Variants in TBPL2 observed in about 807,000 individuals in gnomAD.
TBPL2 encodes the protein TATA-box binding protein like 2.
In TBPL2, 40 loss-of-function variants were observed where a neutral mutation model predicts 38.2. That is an observed-to-expected ratio of 1.05 (90% CI 0.81 to 1.36). The LOEUF (loss-of-function observed/expected upper bound fraction) is 1.36. Ranked by LOEUF, TBPL2 falls within the 40% of genes most tolerant of loss-of-function variation. The pLI, the probability that TBPL2 is intolerant of heterozygous loss-of-function variation, is 0.00. For synonymous variants in TBPL2, 169 were observed against 171.7 expected (o/e 0.98, Z 0.12); for missense variants, 461 against 456.7 (o/e 1.01, Z -0.09).
At chr14:55,416,190 C>T (rs182373528) in intron 6 of TBPL2, among the ~76,000 whole-genome samples, 1 of 152,130 alleles carries the variant, frequency 6.6e-6, no homozygotes, top group African/African-American at 2.4e-5. Flanking sequence ...AATACACAAC[C>T]AGCTACTAAA....
chr14:55,421,859 T>C (rs1034921191), intron 6 of TBPL2, among the ~76,000 whole-genome samples: 2 of 152,208 alleles, frequency 1.3e-5, no homozygotes, highest in African/African-American at 4.8e-5. Context: ...GACATGTCAT[T>C]TTGCTGGATG....
At chr14:55,422,767 C>T (rs1885764333) in intron 6 of TBPL2, among the ~76,000 whole-genome samples, 1 of 152,040 alleles carries the variant, frequency 6.6e-6, no homozygotes, top group Non-Finnish European at 1.5e-5. Context: ...GCAGGAGAAT[C>T]ACTTGAACGC....
exon 2 of TBPL2, chr14:55,436,693 T>C: frequency 1.2e-6 from 2 of 1,614,172 alleles, no homozygotes; most frequent in Middle Eastern, 1.7e-4. Flanking sequence ...ATCACCAGGG[T>C]GCAGCTGTGA....
chr14:55,426,762 T>C (rs560167629), intron 5 of TBPL2, among the ~76,000 whole-genome samples: 1 of 151,976 alleles, frequency 6.6e-6, no homozygotes, highest in East Asian at 1.9e-4. Flanking sequence ...ATCATAAAAC[T>C]GTCCCAGGAG....
chr14:55,440,353 C>A (rs767776439), intron 1 of TBPL2, 43 bp downstream of exon 1: 1 of 1,609,792 alleles, frequency 6.2e-7, no homozygotes, highest in Non-Finnish European at 8.5e-7. Flanking sequence ...CAGGACCGGG[C>A]GGGACTTGGG....
chr14:55,427,698 G>A (rs905000968), intron 5 of TBPL2, among the ~76,000 whole-genome samples: 1 of 151,974 alleles, frequency 6.6e-6, no homozygotes, highest in African/African-American at 2.4e-5. Flanking sequence ...GGATGGGAGA[G>A]CCACCAAAAC....
chr14:55,429,114 T>C, intron 4 of TBPL2, 140 bp from the exon 5 acceptor site: 2 of 1,013,458 alleles, frequency 2.0e-6, no homozygotes, highest in Non-Finnish European at 2.8e-6. Flanking sequence ...TGAGGAGGAC[T>C]TACTTCCCAT....
rs752323560 is a variant in TBPL2, at chr14:55,435,900, A to C, written c.643T>G (p.Leu215Val). ...TGCAAAGCTATTTTCTTCAGATCCA[A>C]CTTACAGGCCAGGTTTACAGTGGAA... The change falls in exon 3 of 7, where the codon TTG (leucine) becomes GTG (valine). Residue 215 changes from leucine (L) to valine (V), a missense_variant. By Grantham distance (32) the Leu-to-Val change is conservative. Coordinates refer to ENST00000247219, the Ensembl canonical transcript of TBPL2. The C allele has an allele frequency of 6.3e-7, 1 of 1,580,790 alleles. No homozygotes were observed.
chr14:55,440,435 C>T (rs1371669497), exon 1 of TBPL2: 4 of 1,613,062 alleles, frequency 2.5e-6, no homozygotes, highest in Middle Eastern at 1.7e-4. Context: ...CCAGGTAGGT[C>T]TCCTCCTGCT....
chr14:55,440,227 G>T (rs1886088893), intron 1 of TBPL2, among the ~76,000 whole-genome samples, 169 bp downstream of exon 1: 1 of 152,216 alleles, frequency 6.6e-6, no homozygotes, highest in Non-Finnish European at 1.5e-5. Context: ...GGCAACCTTG[G>T]TCAAATTATT....
rs758097557 is a variant in TBPL2 at position 55,440,394 on chromosome 14, A to G, written c.150+2T>C. On this transcript the variant is annotated splice_donor_variant, in intron 1 of 6. Transcript: ENST00000247219. LOFTEE classifies it high-confidence loss of function. Reference sequence around the variant, plus strand: ...ACTCTGGGACAGTGGCGGCAGCCTCACCTGAGCGGCGCACTGGTCCAGGTA... The same window carrying G: ...ACTCTGGGACAGTGGCGGCAGCCTCGCCTGAGCGGCGCACTGGTCCAGGTA... 6.2e-7 allele frequency: 1 copy of G among 1,612,706 alleles called. No individual in the cohort carries two copies. The highest frequency in any genetic ancestry group is 8.5e-7 in the Non-Finnish European group (1 of 1,179,898).
intron 6 of TBPL2, among the ~76,000 whole-genome samples, chr14:55,419,350 CAT>C (rs1358948349): frequency 2.6e-5 from 4 of 152,240 alleles, no homozygotes; most frequent in African/African-American, 9.6e-5. Context: ...CAGTGTCTGT[CAT>C]ATGAGTGCCC....
chr14:55,422,642 A>G (rs1464549122), intron 6 of TBPL2, among the ~76,000 whole-genome samples: 1 of 152,166 alleles, frequency 6.6e-6, no homozygotes, highest in Non-Finnish European at 1.5e-5. Context: ...ACTTGAGGCC[A>G]GAGGTTCGAG....
In TBPL2 at chr14:55,429,762, G is replaced by A. The variant is rs758873635; in HGVS notation, c.789-788C>T. Among the ~76,000 whole-genome samples the A allele has an allele frequency of 9.6e-4, 68 of 71,142 alleles. 1 individual carries two copies. The South Asian group carries it at 0.018, about 19-fold the overall frequency. 46.7% of individuals were successfully genotyped at this position (71,142 alleles called of 152,430 possible). On this transcript the variant is annotated intron_variant, in intron 4 of 6. Coordinates refer to ENST00000247219, the Ensembl canonical transcript of TBPL2. ...GCCTAGGCAACAAGAGTGAAACTCC[G>A]TCTCAAAAAAAAAAAAAAAAAAAAA... is the stretch of plus-strand genomic sequence containing the variant.
exon 7 of TBPL2, chr14:55,414,373 A>G: frequency 6.3e-7 from 1 of 1,591,934 alleles, no homozygotes; most frequent in South Asian, 1.2e-5. Context: ...ATGCTGAATG[A>G]TATGCTCAGG....
chr14:55,432,960 C>T (rs1180447731), intron 4 of TBPL2, among the ~76,000 whole-genome samples: 2 of 152,098 alleles, frequency 1.3e-5, no homozygotes, highest in Non-Finnish European at 2.9e-5. Flanking sequence ...AAGTTCTATC[C>T]ATTTATCTGC....
exon 1 of TBPL2, chr14:55,440,482 G>C (rs1455453946): frequency 6.2e-7 from 1 of 1,612,650 alleles, no homozygotes; most frequent in Admixed American, 1.7e-5. Flanking sequence ...GGTGGGGGCG[G>C]GTAAGAGGGT....
chr14:55,421,883 T>A (rs1202751609), intron 6 of TBPL2, among the ~76,000 whole-genome samples: 1 of 152,216 alleles, frequency 6.6e-6, no homozygotes, highest in Non-Finnish European at 1.5e-5. Flanking sequence ...AGTTATGACT[T>A]AATCAACTTT....
At chr14:55,436,431 C>A in intron 2 of TBPL2, 130 bp downstream of exon 2, 3 of 875,976 alleles carry the variant, frequency 3.4e-6, no homozygotes, top group South Asian at 3.6e-5. Flanking sequence ...CCATTTAGAA[C>A]TGATAAAACA....
Sources: allele counts gnomAD v4.1 joint callset (sites outside exome capture counted in the v4.1 genomes callset), GRCh38; gene constraint gnomAD v4.1.1; transcripts MANE v1.5; gene names NCBI Gene and HGNC (gene_info 2026-07-23, HGNC 2026-07-21).